The following SSNA1 variants were observed in gnomAD, a reference collection of about 807,000 sequenced individuals.
The protein encoded by SSNA1 is microtubule nucleation factor SSNA1.
Under a neutral mutation model 13.3 loss-of-function variants are expected in SSNA1, and 13 were observed. The ratio of observed to expected loss-of-function variants is 0.97; its 90% CI spans 0.63 to 1.55. The LOEUF is 1.55. SSNA1 is among the 40% of genes most tolerant of loss of function. SSNA1 has a pLI of 0.00. For missense variants in SSNA1, 186 were observed against 152.7 expected, an observed-to-expected ratio of 1.22 and a Z score of -1.15; for synonymous variants, 89 against 65.9, an observed-to-expected ratio of 1.35 and a Z score of -1.70.
At position 137,190,226 on chromosome 9, in the gene SSNA1, GC is replaced by G. The variant is rs1399663432; in HGVS notation, c.*317del. 11 of 365,950 alleles carry G rather than the reference GC, an allele frequency of 3.0e-5. No individual in the cohort carries two copies. Among genetic ancestry groups the G allele is most frequent in the Non-Finnish European group, 3.6e-5 (7 of 195,906 alleles). 22.7% of individuals were successfully genotyped at this position (365,950 alleles called of 1,614,324 possible). A position where few individuals can be genotyped will look rare whatever the true frequency, so the allele number is the denominator to read the frequency against. ...CTCTGGTTGTCTGAGCACCATGGGG[GC>G]CCCCTCACCTTGTCCCTCCTCAGCC... On this transcript the variant is annotated 3_prime_UTR_variant, in exon 3 of 3. Transcript: ENST00000322310.
chr9:137,189,860 C>T lies in SSNA1; in HGVS notation c.306C>T (p.Asn102=). ...LLSVLKREAG[N]LTKATAPDQK... ...GCGTTCTCAAGAGGGAAGCTGGGAA[C>T]CTGACCAAGGCTACAGCCCCAGACC... The change falls in exon 3 of 3, where the codon AAC becomes AAT. Residue 102 remains asparagine, a synonymous_variant. Coordinates refer to ENST00000322310, the MANE Select transcript of SSNA1 (RefSeq NM_003731.3). 1.2e-6 allele frequency: 2 copies of T among 1,614,004 alleles called. No homozygotes were observed. Among genetic ancestry groups the T allele is most frequent in the South Asian group, 2.2e-5 (2 of 91,086 alleles).
chr9:137,189,201 G>C lies in SSNA1; in HGVS notation c.188G>C (p.Arg63Pro), dbSNP rs754125420. ...GCCCGCGTCAACGAGAACCTGGCACGCAAGATTGCCTCTCGCAACGAGTTC... is the reference window on the plus strand; with the variant it reads ...GCCCGCGTCAACGAGAACCTGGCACCCAAGATTGCCTCTCGCAACGAGTTC... The part of the protein sequence containing the change: ...KLARVNENLA[R>P]KIASRNEFDR... The change falls in exon 2 of 3, where the codon CGC becomes CCC. Residue 63 changes from arginine to proline, a missense_variant. Transcript: ENST00000322310. The C allele has an allele frequency of 6.2e-7, 1 of 1,613,218 alleles. No homozygotes were observed. The highest frequency in any genetic ancestry group is 1.7e-5 in the Admixed American group (1 of 60,034).
Position 137,189,273 on chromosome 9 carries a change from T to C in SSNA1, c.252+8T>C, listed in dbSNP as rs762821637. 6.2e-7 allele frequency: 1 copy of C among 1,612,752 alleles called. No individual in the cohort carries two copies. Among genetic ancestry groups the C allele is most frequent in the Non-Finnish European group, 8.5e-7 (1 of 1,179,832 alleles). ...GAGGCCGCCTACCTCAAGGTGGAGC[T>C]CGGGAGGCCAGGCCGAGCATCAGGG... On this transcript the variant is annotated splice_region_variant and intron_variant, in intron 2 of 2. Coordinates refer to ENST00000322310, the MANE Select transcript of SSNA1 (RefSeq NM_003731.3).
Position 137,188,769 on chromosome 9 carries a change from C to T in SSNA1, c.43C>T (p.Leu15=). The T allele has an allele frequency of 6.3e-7, 1 of 1,583,690 alleles. No individual in the cohort carries two copies. Among genetic ancestry groups the T allele is most frequent in the Non-Finnish European group, 8.5e-7 (1 of 1,172,304 alleles). The change falls in exon 1 of 3, where the codon CTG becomes TTG. Residue 15 remains leucine, a synonymous_variant. Coordinates refer to ENST00000322310, the MANE Select transcript of SSNA1 (RefSeq NM_003731.3). ...GAALQNYNNE[L]VKCIEELCQK... ...GGCGCTGCAGAACTACAACAACGAG[C>T]TGGTCAAGTGTGAGCGGCGCAGCCG...
At chr9:137,189,344 C>T in intron 2 of SSNA1, 79 bp downstream of exon 2, 7 of 1,524,982 alleles carry the variant, frequency 4.6e-6, no homozygotes, top group South Asian at 1.1e-5. Context: ...TCAGGACCGG[C>T]TGGGGCTCCC....
intron 1 of SSNA1, 128 bp downstream of exon 1, chr9:137,188,906 A>G: frequency 2.3e-6 from 3 of 1,321,626 alleles, no homozygotes; most frequent in Non-Finnish European, 2.0e-6. Flanking sequence ...TCCGTGCCGG[A>G]GGCCGGGTGT....
chr9:137,190,134 G>A lies in SSNA1; in HGVS notation c.*220G>A, dbSNP rs1834582350. On this transcript the variant is annotated 3_prime_UTR_variant, in exon 3 of 3. Coordinates refer to ENST00000322310, the MANE Select transcript of SSNA1 (RefSeq NM_003731.3). ...TGCTCACACAGGCTATGGGGATGGT[G>A]GGCTCCAGGTCAGCTCTGCAAGGGG... 3 of 533,648 alleles carry A rather than the reference G, an allele frequency of 5.6e-6. No homozygotes were observed. Among genetic ancestry groups the A allele is most frequent in the Non-Finnish European group, 1.0e-5 (3 of 295,016 alleles). 33.1% of individuals were successfully genotyped at this position (533,648 alleles called of 1,614,324 possible).
chr9:137,188,959 C>G, intron 1 of SSNA1, 107 bp from the exon 2 acceptor site: 1 of 1,369,590 alleles, frequency 7.3e-7, no homozygotes, highest in Non-Finnish European at 9.7e-7. Flanking sequence ...CCGCGCCGGG[C>G]GCTCGGGGGT....
Position 137,188,792 on chromosome 9 carries a change from C to T in SSNA1, c.52+14C>T, listed in dbSNP as rs1483583633. 5.1e-6 allele frequency: 8 copies of T among 1,564,216 alleles called. No homozygotes were observed. Among genetic ancestry groups the T allele is most frequent in the Middle Eastern group, 1.7e-4 (1 of 5,754 alleles). ...AGCTGGTCAAGTGTGAGCGGCGCAGCCGGGACGGGGAGGTCGGGAGGGCCG... is the reference window on the plus strand; with the variant it reads ...AGCTGGTCAAGTGTGAGCGGCGCAGTCGGGACGGGGAGGTCGGGAGGGCCG... On this transcript the variant is annotated intron_variant, in intron 1 of 2. Transcript: ENST00000322310.
chr9:137,189,148 T>C lies in SSNA1; in HGVS notation c.135T>C (p.Asn45=). ...AGGACGAGAAGCAGCGGCTGCAGAA[T>C]GAGGTGAGGCAGCTGACAGAGAAGC... ...EEEDEKQRLQ[N]EVRQLTEKLA... The change falls in exon 2 of 3, where the codon AAT becomes AAC. Residue 45 remains asparagine, a synonymous_variant. Transcript: ENST00000322310. The C allele has an allele frequency of 6.2e-7, 1 of 1,611,942 alleles. No individual in the cohort carries two copies. Among genetic ancestry groups the C allele is most frequent in the East Asian group, 2.2e-5 (1 of 44,862 alleles).
At chr9:137,188,850 C>T (rs1834544470) in intron 1 of SSNA1, 72 bp downstream of exon 1, 1 of 1,458,094 alleles carries the variant, frequency 6.9e-7, no homozygotes, top group Non-Finnish European at 9.0e-7. Context: ...AGCGGGGTGC[C>T]CCTGGACCCG....
chr9:137,189,060 C>G lies in SSNA1; in HGVS notation c.53-6C>G. On this transcript the variant is annotated splice_region_variant and splice_polypyrimidine_tract_variant and intron_variant, in intron 1 of 2. Transcript: ENST00000322310. The stretch of plus-strand genomic sequence containing the variant: ...GGCCCACAGCGCCGCCCCTCCCGGC[C>G]CCCAGGCATAGAGGAGCTGTGCCAG... 6.4e-7 allele frequency: 1 copy of G among 1,558,548 alleles called. No individual in the cohort carries two copies. The highest frequency in any genetic ancestry group is 8.7e-7 in the Non-Finnish European group (1 of 1,150,876).
At chr9:137,189,351 TC>T in intron 2 of SSNA1, 86 bp downstream of exon 2, 2 of 1,491,230 alleles carry the variant, frequency 1.3e-6, no homozygotes, top group Admixed American at 1.8e-5. Flanking sequence ...CGGCTGGGGC[TC>T]CCGGCTGTGG....
intron 2 of SSNA1, 31 bp from the exon 3 acceptor site, chr9:137,189,776 A>AT: frequency 6.2e-7 from 1 of 1,602,802 alleles, no homozygotes. Context: ...ACAGGTGAAC[A>AT]TTAACAACCT....
chr9:137,189,721 C>T, intron 2 of SSNA1, 86 bp from the exon 3 acceptor site: 1 of 1,272,188 alleles, frequency 7.9e-7, no homozygotes. Flanking sequence ...CCAGCCAGGT[C>T]CCAGCACCTG....
chr9:137,188,808 G>T, intron 1 of SSNA1, 30 bp downstream of exon 1: 1 of 1,550,568 alleles, frequency 6.4e-7, no homozygotes. Context: ...CGGGGAGGTC[G>T]GGAGGGCCGC....
chr9:137,188,880 C>A, intron 1 of SSNA1, 102 bp downstream of exon 1: 1 of 1,382,032 alleles, frequency 7.2e-7, no homozygotes, highest in Non-Finnish European at 9.5e-7. Context: ...GGGCATCGCG[C>A]GGCTGAGCAG....
intron 1 of SSNA1, 118 bp from the exon 2 acceptor site, chr9:137,188,948 C>A (rs990233454): frequency 1.5e-6 from 2 of 1,363,000 alleles, no homozygotes; most frequent in African/African-American, 3.0e-5. Context: ...GCTCGCAGGC[C>A]CCGCGCCGGG....
rs1410211738 is a variant in SSNA1, at chr9:137,189,941, G to A, written c.*27G>A. 6.9e-6 allele frequency: 11 copies of A among 1,590,628 alleles called. No homozygotes were observed. Among genetic ancestry groups the A allele is most frequent in the African/African-American group, 1.3e-5 (1 of 74,590 alleles). ...CAGACCACGGGCAGGGCCTGCCTCC[G>A]TGTGCCCCTCAGCTCAGCCCCAGCA... On this transcript the variant is annotated 3_prime_UTR_variant, in exon 3 of 3. Transcript: ENST00000322310.
Sources: gnomAD v4.1 joint callset for allele counts on GRCh38, gnomAD v4.1.1 for gene constraint, MANE v1.5 for transcripts, NCBI Gene and HGNC (gene_info 2026-07-23, HGNC 2026-07-21) for gene names.